The following LRP1B variants were observed in gnomAD, a reference collection of about 807,000 sequenced individuals.
LRP1B encodes LDL receptor related protein 1B, also known as low-density lipoprotein receptor-related protein 1B.
In LRP1B, 217 loss-of-function variants were observed where a neutral mutation model predicts 556.6. That is an observed-to-expected ratio of 0.39 (90% CI 0.35 to 0.44). The LOEUF is 0.44. LRP1B is among the 20% of genes least tolerant of loss of function. The pLI, the probability that LRP1B is intolerant of heterozygous loss-of-function variation, is 1.00. For synonymous variants in LRP1B, 2,047 were observed against 1,865.8 expected (o/e 1.10, Z -2.50); for missense variants, 5,053 against 5,620.8 (o/e 0.90, Z 3.23).
intron 2 of LRP1B, among the ~76,000 whole-genome samples, chr2:141,625,624 G>C (rs16846700): frequency 0.034 from 5,175 of 152,176 alleles, 164 homozygotes; most frequent in South Asian, 0.15. Context: ...TTAGAGCTCA[G>C]TGCATATATG....
Position 140,495,600 on chromosome 2 carries a change from T to C in LRP1B, c.8999A>G (p.Gln3000Arg). The change falls in exon 56 of 91, where the codon CAA (glutamine) becomes CGA (arginine). Residue 3000 changes from glutamine to arginine, a missense_variant. By Grantham distance (43) the Gln-to-Arg change is conservative (BLOSUM62 1). Transcript: ENST00000389484. ...KCLCTDGYEIQPDNPNGCKSL... is the reference protein window; with the variant it reads ...KCLCTDGYEIRPDNPNGCKSL... ...TTTGCAGCCATTTGGGTTATCAGGT[T>C]GTATTTCATACCCATCTGTACAGAG... 4 of 1,602,502 alleles carry C rather than the reference T, an allele frequency of 2.5e-6. No homozygotes were observed. Among genetic ancestry groups the C allele is most frequent in the Non-Finnish European group, 8.5e-7 (1 of 1,171,194 alleles).
chr2:140,714,501 A>C (rs1167941990), intron 37 of LRP1B, among the ~76,000 whole-genome samples: 1 of 152,134 alleles, frequency 6.6e-6, no homozygotes, highest in Non-Finnish European at 1.5e-5. Context: ...ACAGATTGAC[A>C]TGTAGCAGCA....
chr2:141,444,534 G>T (rs1681106858), intron 3 of LRP1B, among the ~76,000 whole-genome samples: 1 of 152,118 alleles, frequency 6.6e-6, no homozygotes, highest in African/African-American at 2.4e-5. Flanking sequence ...TCCAGCTTTT[G>T]CCCATTCAGT....
chr2:142,028,849 A>G (rs1011324784), intron 1 of LRP1B, among the ~76,000 whole-genome samples: 2 of 152,044 alleles, frequency 1.3e-5, no homozygotes, highest in East Asian at 1.9e-4. Flanking sequence ...CCCCCTAGCC[A>G]TTATAATAAA....
chr2:141,654,763 T>C (rs1474427512), intron 2 of LRP1B, among the ~76,000 whole-genome samples: 1 of 152,138 alleles, frequency 6.6e-6, no homozygotes, highest in Non-Finnish European at 1.5e-5. Context: ...AAGATGCACA[T>C]GTACAATATC....
At chr2:140,530,418 G>A (rs1690639642) in intron 47 of LRP1B, among the ~76,000 whole-genome samples, 1 of 152,004 alleles carries the variant, frequency 6.6e-6, no homozygotes, top group African/African-American at 2.4e-5. Context: ...TACTATAAGG[G>A]AGATATTTGG....
intron 72 of LRP1B, among the ~76,000 whole-genome samples, chr2:140,359,839 C>G (rs1682426487): frequency 6.6e-6 from 1 of 151,530 alleles, no homozygotes; most frequent in Admixed American, 6.6e-5. Flanking sequence ...ACCCCTTGTT[C>G]TCAAACACGT....
At position 140,460,698 on chromosome 2, in the gene LRP1B, C is replaced by A. The variant is rs941823553; in HGVS notation, c.9626-3047G>T. 1.5e-4 allele frequency among the ~76,000 whole-genome samples: 23 copies of A among 152,110 alleles called. 1 individual carries two copies. The highest frequency in any genetic ancestry group is 5.6e-4 in the African/African-American group (23 of 41,398). Reference sequence around the variant, plus strand: ...TGTGTGGGCTGTAGTTTCACAGGTACTGACTATATATCTAAAGCCTATTTA... The same window carrying A: ...TGTGTGGGCTGTAGTTTCACAGGTAATGACTATATATCTAAAGCCTATTTA... On this transcript the variant is annotated intron_variant, in intron 60 of 90. Coordinates refer to ENST00000389484, the MANE Select transcript of LRP1B (RefSeq NM_018557.3).
intron 6 of LRP1B, among the ~76,000 whole-genome samples, chr2:141,211,811 A>T (rs1367327240): frequency 1.3e-5 from 2 of 152,204 alleles, no homozygotes; most frequent in Non-Finnish European, 1.5e-5. Context: ...TTCTCTGGAA[A>T]CACGTCCTCA....
chr2:141,345,202 C>T (rs1373003021), intron 3 of LRP1B, among the ~76,000 whole-genome samples: 1 of 151,468 alleles, frequency 6.6e-6, no homozygotes, highest in African/African-American at 2.4e-5. Context: ...ATGGATTCCC[C>T]CTTAGACTTT....
chr2:140,743,484 C>G (rs1688207289), intron 35 of LRP1B, among the ~76,000 whole-genome samples: 1 of 152,162 alleles, frequency 6.6e-6, no homozygotes, highest in African/African-American at 2.4e-5. Flanking sequence ...AATATCCTTT[C>G]AAGGAAATTT....
At chr2:141,165,658 A>G (rs1680221180) in intron 7 of LRP1B, among the ~76,000 whole-genome samples, 1 of 152,010 alleles carries the variant, frequency 6.6e-6, no homozygotes, top group African/African-American at 2.4e-5. Context: ...AATCAGTTAA[A>G]GTATAATTGA....
chr2:141,219,310 C>T lies in LRP1B; in HGVS notation c.850+9873G>A, dbSNP rs117946434. 7.9e-4 allele frequency among the ~76,000 whole-genome samples: 120 copies of T among 152,302 alleles called. No homozygotes were observed. In the East Asian group the frequency reaches 0.02, roughly 26 times the overall value. ...TAAACTGAGAGGAATTCCCCCACAG[C>T]GAAGCACAGCAGCTGTGGCAGATCA... is the stretch of plus-strand genomic sequence containing the variant. On this transcript the variant is annotated intron_variant, in intron 6 of 90. Transcript: ENST00000389484.
intron 35 of LRP1B, among the ~76,000 whole-genome samples, chr2:140,723,556 T>TGC (rs1687489763): frequency 1.3e-5 from 2 of 151,940 alleles, no homozygotes; most frequent in African/African-American, 4.8e-5. Context: ...TTAAATTATG[T>TGC]TAGCATAATT....
Position 142,038,617 on chromosome 2 carries a change from C to G in LRP1B, c.82+92031G>C, listed in dbSNP as rs370374417. ...GGGAGGGGTGGTTCTTAGGGGAAGC[C>G]CTTTTACTGAATGTAGGCAGATCTG... On this transcript the variant is annotated intron_variant, in intron 1 of 90. Coordinates refer to ENST00000389484, the MANE Select transcript of LRP1B (RefSeq NM_018557.3). 2.6e-5 allele frequency among the ~76,000 whole-genome samples: 4 copies of G among 151,476 alleles called. No individual in the cohort carries two copies. In the East Asian group the frequency reaches 7.8e-4, roughly 30 times the overall value.
intron 1 of LRP1B, among the ~76,000 whole-genome samples, chr2:141,824,520 G>A (rs531183589): frequency 2.0e-5 from 3 of 152,180 alleles, no homozygotes; most frequent in Non-Finnish European, 2.9e-5. Flanking sequence ...GCCCGCCACC[G>A]TGCCTGGCTA....
chr2:140,863,158 G>GTATATA (rs142910004), intron 27 of LRP1B, among the ~76,000 whole-genome samples: 1 of 151,302 alleles, frequency 6.6e-6, no homozygotes, highest in African/African-American at 2.4e-5. Flanking sequence ...CTGTGTGTGT[G>GTATATA]TATATATATA....
At chr2:140,724,741 G>A (rs1252020905) in intron 35 of LRP1B, among the ~76,000 whole-genome samples, 1 of 151,992 alleles carries the variant, frequency 6.6e-6, no homozygotes, top group Non-Finnish European at 1.5e-5. Flanking sequence ...TATGGCTGTA[G>A]GAAGTCAATA....
chr2:140,999,035 T>G (rs1697334502), intron 15 of LRP1B, among the ~76,000 whole-genome samples: 2 of 152,236 alleles, frequency 1.3e-5, no homozygotes, highest in African/African-American at 4.8e-5. Context: ...GAATTCCATT[T>G]GTAGTTGTCT....
Sources: gnomAD v4.1 joint callset for allele counts (sites outside exome capture counted in the v4.1 genomes callset) on GRCh38, gnomAD v4.1.1 for gene constraint, MANE v1.5 for transcripts, NCBI Gene and HGNC (gene_info 2026-07-23, HGNC 2026-07-21) for gene names.